SMAD6: variants seen among roughly 807,000 people sequenced by gnomAD.
SMAD6 encodes the protein MAD homolog 6.
Under a neutral mutation model 39.4 loss-of-function variants are expected in SMAD6, and 103 were observed. The observed-to-expected ratio is 2.62, with a 90% CI of 2.23 to 3.08. SMAD6 has a LOEUF of 3.08. Among genes scored for constraint, SMAD6 ranks in the 30% most tolerant of loss-of-function variants. The probability of loss-of-function intolerance (pLI) is 0.00; values close to 1 mark genes in which losing one functional copy is unlikely to be tolerated. For missense variants in SMAD6, 1,104 were observed against 742.9 expected (o/e 1.49, Z -5.65); for synonymous variants, 445 against 353.3 (o/e 1.26, Z -2.91).
Position 66,781,119 on chromosome 15 carries a change from G to C in SMAD6, c.1075G>C (p.Asp359His), listed in dbSNP as rs1595804836. The C allele has an allele frequency of 1.2e-6, 2 of 1,608,982 alleles. No homozygotes were observed. The highest frequency in any genetic ancestry group is 1.7e-6 in the Non-Finnish European group (2 of 1,179,752). The change falls in exon 4 of 4, where the codon GAC (aspartate) becomes CAC (histidine). Residue 359 changes from aspartate to histidine, a missense_variant. By Grantham distance (81) the Asp-to-His change is moderately conservative. Coordinates refer to ENST00000288840, the MANE Select transcript of SMAD6 (RefSeq NM_005585.5). The part of the protein sequence containing the change: ...VYDQAVSIFY[D>H]LPQGSGFCLG... ...CGACCAGGCCGTCAGCATCTTCTAC[G>C]ACCTACCTCAGGGCAGCGGCTTCTG...
chr15:66,702,910 C>G lies in SMAD6; in HGVS notation c.-349C>G. ...GGACCAGCCGCACAACTTTTGAAGG[C>G]TCGCCGGCCCATGTGGGGTCTTTCT... On this transcript the variant is annotated 5_prime_UTR_variant, in exon 1 of 4. Transcript: ENST00000288840. 1 of 212,380 alleles carries G rather than the reference C, an allele frequency of 4.7e-6. No individual in the cohort carries two copies. Among genetic ancestry groups the G allele is most frequent in the Non-Finnish European group, 9.3e-6 (1 of 107,752 alleles). 13.2% of individuals were successfully genotyped at this position (212,380 alleles called of 1,614,324 possible). A position where few individuals can be genotyped will look rare whatever the true frequency, so the allele number is the denominator to read the frequency against.
At chr15:66,706,732 C>T (rs1427073177) in intron 1 of SMAD6, 1 of 152,650 alleles carries the variant, frequency 6.6e-6, no homozygotes, top group Non-Finnish European at 1.5e-5. Flanking sequence ...GGACTCCCAC[C>T]TGGCAGCAGT....
rs1326692025 is a variant in SMAD6 at position 66,782,422 on chromosome 15, C to T, written c.*887C>T. ...AGACTGAAATGGGCCTTGAGCCCAC[C>T]TGCTACCTTGCAGAGAACCATCTCG... On this transcript the variant is annotated 3_prime_UTR_variant, in exon 4 of 4. Coordinates refer to ENST00000288840, the MANE Select transcript of SMAD6 (RefSeq NM_005585.5). The T allele has an allele frequency of 6.6e-6, 1 of 152,254 alleles. No individual in the cohort carries two copies. The highest frequency in any genetic ancestry group is 1.5e-5 in the Non-Finnish European group (1 of 68,188). 9.4% of individuals were successfully genotyped at this position (152,254 alleles called of 1,614,324 possible). A position where few individuals can be genotyped will look rare whatever the true frequency, so the allele number is the denominator to read the frequency against.
intron 3 of SMAD6, among the ~76,000 whole-genome samples, chr15:66,762,903 G>A (rs576341096): frequency 6.6e-6 from 1 of 152,168 alleles, no homozygotes; most frequent in South Asian, 2.1e-4. Context: ...AGTTGGTAGA[G>A]GGAGAGAGAA....
chr15:66,752,059 T>C (rs895090273), intron 3 of SMAD6, among the ~76,000 whole-genome samples: 12 of 117,846 alleles, frequency 1.0e-4, no homozygotes, highest in South Asian at 2.7e-4. Context: ...TTTTTTTTTT[T>C]CAGGCAGTTA....
In SMAD6 at chr15:66,703,610, G is replaced by A. The variant is rs1324979905; in HGVS notation, c.352G>A (p.Glu118Lys). ...GCCGGGAGGCCCGGGCTGGCTGCCC[G>A]AGAGTGACTGCGAGACGGTGACCTG... ...AEPGGPGWLP[E>K]SDCETVTCCL... The change falls in exon 1 of 4, where the codon GAG becomes AAG. Residue 118 changes from glutamate (E) to lysine (K), a missense_variant. Physicochemically the swap from Glu to Lys is moderately conservative, Grantham distance 56. Transcript: ENST00000288840. 3 of 1,230,486 alleles carry A rather than the reference G, an allele frequency of 2.4e-6. No individual in the cohort carries two copies. Among genetic ancestry groups the A allele is most frequent in the Non-Finnish European group, 3.0e-6 (3 of 984,144 alleles). The allele number at this position is 1,230,486 out of a possible 1,614,324, so 76.2% of individuals were successfully genotyped here.
In SMAD6 at chr15:66,781,390, C is replaced by T. The variant is rs1186486223; in HGVS notation, c.1346C>T (p.Ala449Val). The T allele has an allele frequency of 2.5e-6, 4 of 1,601,804 alleles. No homozygotes were observed. Among genetic ancestry groups the T allele is most frequent in the African/African-American group, 2.7e-5 (2 of 74,774 alleles). Reference protein sequence around the residue: ...FDFERSGLQHAPEPDAADGPY... With the variant: ...FDFERSGLQHVPEPDAADGPY... Reference sequence around the variant, plus strand: ...TTCGAGCGCTCGGGCCTGCAGCACGCGCCCGAGCCCGACGCCGCCGACGGC... The same window carrying T: ...TTCGAGCGCTCGGGCCTGCAGCACGTGCCCGAGCCCGACGCCGCCGACGGC... Residue 449 changes from alanine (A) to valine (V), a missense_variant, in exon 4 of 4, where the codon GCG (alanine) becomes GTG (valine). By Grantham distance (64) the Ala-to-Val change is moderately conservative. Coordinates refer to ENST00000288840, the MANE Select transcript of SMAD6 (RefSeq NM_005585.5).
At chr15:66,745,794 A>G (rs1048295803) in intron 3 of SMAD6, among the ~76,000 whole-genome samples, 6 of 152,230 alleles carry the variant, frequency 3.9e-5, no homozygotes, top group African/African-American at 1.4e-4. Context: ...CCACAGAGTG[A>G]ATGGGTGGGT....
intron 3 of SMAD6, among the ~76,000 whole-genome samples, chr15:66,765,033 C>A (rs956851037): frequency 6.6e-6 from 1 of 152,182 alleles, no homozygotes; most frequent in African/African-American, 2.4e-5. Context: ...AAACTTGACC[C>A]AGCAAAGAGG....
chr15:66,763,859 G>A (rs550094220), intron 3 of SMAD6, among the ~76,000 whole-genome samples: 1 of 152,254 alleles, frequency 6.6e-6, no homozygotes, highest in African/African-American at 2.4e-5. Context: ...AAACGCCCTA[G>A]GCAACGCTGC....
chr15:66,736,598 T>C (rs1423220175), intron 3 of SMAD6, among the ~76,000 whole-genome samples: 1 of 152,208 alleles, frequency 6.6e-6, no homozygotes, highest in East Asian at 1.9e-4. Context: ...AAAATATTGA[T>C]GCCTGGGCTC....
intron 3 of SMAD6, among the ~76,000 whole-genome samples, chr15:66,769,835 C>CT (rs916855185): frequency 2.6e-5 from 4 of 152,044 alleles, no homozygotes; most frequent in Non-Finnish European, 4.4e-5. Context: ...CAAAGAAGGG[C>CT]TTTTTTTCTT....
chr15:66,726,984 A>G (rs1240411184), intron 3 of SMAD6, among the ~76,000 whole-genome samples: 1 of 152,082 alleles, frequency 6.6e-6, no homozygotes, highest in South Asian at 2.1e-4. Context: ...CACTCAAGGC[A>G]GGAGTCCTTT....
At chr15:66,748,736 C>G (rs1269601161) in intron 3 of SMAD6, among the ~76,000 whole-genome samples, 1 of 152,168 alleles carries the variant, frequency 6.6e-6, no homozygotes. Flanking sequence ...CCCTTCCCTG[C>G]TGTTCCCTAA....
At chr15:66,729,999 A>G (rs977135722) in intron 3 of SMAD6, among the ~76,000 whole-genome samples, 1 of 152,164 alleles carries the variant, frequency 6.6e-6, no homozygotes, top group Non-Finnish European at 1.5e-5. Context: ...ATTCAGGTCC[A>G]TGGAAAAAGA....
chr15:66,748,686 G>A lies in SMAD6; in HGVS notation c.952+32188G>A, dbSNP rs530191246. 2.0e-5 allele frequency among the ~76,000 whole-genome samples: 3 copies of A among 152,224 alleles called. No individual in the cohort carries two copies. The East Asian group carries it at 5.8e-4, about 29-fold the overall frequency. On this transcript the variant is annotated intron_variant, in intron 3 of 3. Coordinates refer to ENST00000288840, the MANE Select transcript of SMAD6 (RefSeq NM_005585.5). ...CATTAGATTGCAAGGCCCTTTCAGG[G>A]GAGGGAGTTCCTACTCTCCTGCCCT...
intron 3 of SMAD6, among the ~76,000 whole-genome samples, chr15:66,736,018 A>G (rs1893706667): frequency 6.6e-6 from 1 of 152,090 alleles, no homozygotes; most frequent in Non-Finnish European, 1.5e-5. Context: ...AATTTTTCCT[A>G]AAAAATAAAA....
chr15:66,777,660 CAGGAGCGCAGACA>C, intron 3 of SMAD6, among the ~76,000 whole-genome samples: 1 of 152,146 alleles, frequency 6.6e-6, no homozygotes, highest in Non-Finnish European at 1.5e-5. Context: ...GGGCACTGAC[CAGGAGCGCAGACA>C]CCTGTTAAGG....
At chr15:66,750,144 G>C (rs1314750650) in intron 3 of SMAD6, among the ~76,000 whole-genome samples, 2 of 152,128 alleles carry the variant, frequency 1.3e-5, no homozygotes, top group Admixed American at 1.3e-4. Context: ...CCCTGGAATG[G>C]TTTGAAGTCT....
Sources: gnomAD v4.1 joint callset for allele counts (sites outside exome capture counted in the v4.1 genomes callset) on GRCh38, gnomAD v4.1.1 for gene constraint, MANE v1.5 for transcripts, NCBI Gene and HGNC (gene_info 2026-07-23, HGNC 2026-07-21) for gene names.